Variants in NTM observed in about 807,000 individuals in gnomAD.
NTM encodes the protein neurotrimin.
NTM carries 13 observed loss-of-function variants against 42.1 expected under a neutral mutation model. The ratio of observed to expected loss-of-function variants is 0.31; its 90% confidence interval spans 0.20 to 0.49. The LOEUF is 0.49. NTM is among the 20% of genes least tolerant of loss of function. The pLI is 0.99. For synonymous variants in NTM, 187 were observed against 179.2 expected, an observed-to-expected ratio of 1.04 and a Z score of -0.35; for missense variants, 373 against 452.8, an observed-to-expected ratio of 0.82 and a Z score of 1.60.
intron 1 of NTM, among the ~76,000 whole-genome samples, chr11:131,463,273 A>G (rs1473566244): frequency 3.3e-5 from 5 of 152,212 alleles, no homozygotes; most frequent in African/African-American, 1.2e-4. Context: ...TTAAACGACA[A>G]CAGCAGGTGC....
At chr11:132,037,694 C>T (rs916257936) in intron 2 of NTM, among the ~76,000 whole-genome samples, 3 of 152,180 alleles carry the variant, frequency 2.0e-5, no homozygotes, top group Non-Finnish European at 4.4e-5. Context: ...TGATGGAATG[C>T]TGTGAGTCAT....
At chr11:132,069,993 G>C (rs1013549889) in intron 2 of NTM, among the ~76,000 whole-genome samples, 6 of 138,558 alleles carry the variant, frequency 4.3e-5, no homozygotes, top group African/African-American at 8.7e-5. Flanking sequence ...TCACAGGTTA[G>C]TTAACACGTC....
In NTM at chr11:132,310,030, T is replaced by C. The variant is rs1468018489; in HGVS notation, c.662-82T>C. On this transcript the variant is annotated intron_variant, in intron 5 of 8. Transcript: ENST00000683400. ...AAGATCATGCCACTGCATTCCAGCC[T>C]GAGCCACAAGAGCAAGACTCCATCT... 9.6e-6 allele frequency: 14 copies of C among 1,460,700 alleles called. No homozygotes were observed. The South Asian group carries it at 1.9e-4, about 20-fold the overall frequency. The allele number at this position is 1,460,700 out of a possible 1,614,324, so 90.5% of individuals were successfully genotyped here.
At chr11:131,886,787 C>G (rs529142409) in intron 1 of NTM, among the ~76,000 whole-genome samples, 1 of 152,194 alleles carries the variant, frequency 6.6e-6, no homozygotes, top group Non-Finnish European at 1.5e-5. Flanking sequence ...TGCTTTTTAG[C>G]AGGGAGGAAG....
intron 2 of NTM, among the ~76,000 whole-genome samples, chr11:131,959,817 T>C (rs1274798503): frequency 6.6e-6 from 1 of 152,170 alleles, no homozygotes; most frequent in Non-Finnish European, 1.5e-5. Context: ...ACCTCAACAT[T>C]GTTCCCCAAG....
chr11:131,433,079 G>A (rs537728583), intron 1 of NTM, among the ~76,000 whole-genome samples: 6 of 151,564 alleles, frequency 4.0e-5, no homozygotes, highest in Non-Finnish European at 7.4e-5. Context: ...GGATGTTCTC[G>A]ATCTCCTGAC....
intron 3 of NTM, among the ~76,000 whole-genome samples, chr11:132,196,686 A>T (rs1297039147): frequency 6.6e-6 from 1 of 152,186 alleles, no homozygotes; most frequent in Non-Finnish European, 1.5e-5. Context: ...AACACCAAAT[A>T]CGGCATGTTC....
At chr11:132,120,611 C>A (rs1387698619) in intron 2 of NTM, among the ~76,000 whole-genome samples, 1 of 152,172 alleles carries the variant, frequency 6.6e-6, no homozygotes, top group East Asian at 1.9e-4. Context: ...TTGGATAAAT[C>A]ATCTATGTTG....
intron 1 of NTM, among the ~76,000 whole-genome samples, chr11:131,726,050 A>G (rs1368979524): frequency 6.6e-6 from 1 of 152,022 alleles, no homozygotes; most frequent in East Asian, 1.9e-4. Context: ...AGCATCCTGG[A>G]CTCCCTCCCA....
intron 1 of NTM, among the ~76,000 whole-genome samples, chr11:131,724,763 G>A (rs915522074): frequency 6.6e-6 from 1 of 152,240 alleles, no homozygotes. Flanking sequence ...GTCATGCTGG[G>A]GTGCTGGATC....
At chr11:132,058,457 G>A (rs1308822021) in intron 2 of NTM, among the ~76,000 whole-genome samples, 2 of 152,160 alleles carry the variant, frequency 1.3e-5, no homozygotes, top group Non-Finnish European at 2.9e-5. Context: ...TCTGTTTGGT[G>A]TAGAGATTTA....
At chr11:132,172,159 A>G (rs2076203667) in intron 3 of NTM, among the ~76,000 whole-genome samples, 1 of 152,252 alleles carries the variant, frequency 6.6e-6, no homozygotes, top group Non-Finnish European at 1.5e-5. Context: ...TGGTCCAAAC[A>G]GCTATTGTTG....
chr11:131,565,890 T>A (rs1262113210), intron 1 of NTM, among the ~76,000 whole-genome samples: 2 of 152,188 alleles, frequency 1.3e-5, no homozygotes, highest in Non-Finnish European at 2.9e-5. Flanking sequence ...TCGTGGTCCT[T>A]GTGCGGACCC....
At chr11:131,609,102 CCA>C (rs1380476459) in intron 1 of NTM, among the ~76,000 whole-genome samples, 1 of 152,196 alleles carries the variant, frequency 6.6e-6, no homozygotes, top group Non-Finnish European at 1.5e-5. Context: ...GAAACATCCA[CCA>C]CAGTTTTCTC....
chr11:131,431,434 C>A (rs114176344), intron 1 of NTM, among the ~76,000 whole-genome samples: 5 of 152,310 alleles, frequency 3.3e-5, no homozygotes, highest in Non-Finnish European at 5.9e-5. Context: ...TAACATTAAG[C>A]GCATTCCCAA....
intron 2 of NTM, among the ~76,000 whole-genome samples, chr11:132,075,364 T>TTA (rs2058226506): frequency 2.6e-5 from 4 of 152,338 alleles, no homozygotes; most frequent in Admixed American, 2.0e-4. Context: ...CATATTAAAA[T>TTA]GTGAAAACAT....
chr11:131,819,631 A>G (rs1185980985), intron 1 of NTM, among the ~76,000 whole-genome samples: 1 of 152,162 alleles, frequency 6.6e-6, no homozygotes, highest in Non-Finnish European at 1.5e-5. Context: ...AAATATCACT[A>G]ATAAACAGCA....
intron 1 of NTM, among the ~76,000 whole-genome samples, chr11:131,541,582 G>A (rs757494546): frequency 6.6e-6 from 1 of 152,192 alleles, no homozygotes; most frequent in Non-Finnish European, 1.5e-5. Flanking sequence ...ATTTTTGGGA[G>A]CTATGTAAAG....
chr11:131,512,936 C>A (rs957123362), intron 1 of NTM, among the ~76,000 whole-genome samples: 1 of 151,948 alleles, frequency 6.6e-6, no homozygotes, highest in Non-Finnish European at 1.5e-5. Context: ...CAATTTAGCA[C>A]CCGATTATTC....
Sources: allele counts gnomAD v4.1 joint callset (sites outside exome capture counted in the v4.1 genomes callset), GRCh38; gene constraint gnomAD v4.1.1; transcripts MANE v1.5; gene names NCBI Gene and HGNC (gene_info 2026-07-23, HGNC 2026-07-21).